Variants in FRMD5 observed in about 807,000 individuals in gnomAD.
FRMD5 encodes FERM domain containing 5.
In FRMD5, 20 loss-of-function variants were observed where a neutral mutation model predicts 69.0. That is an observed-to-expected ratio of 0.29 (90% CI 0.20 to 0.42). The LOEUF (loss-of-function observed/expected upper bound fraction) is 0.42. FRMD5 is among the 10% of genes least tolerant of loss of function. The pLI is 1.00. For synonymous variants in FRMD5, 271 were observed against 260.1 expected (o/e 1.04, Z -0.40); for missense variants, 595 against 708.6 (o/e 0.84, Z 1.82).
intron 1 of FRMD5, among the ~76,000 whole-genome samples, chr15:44,182,209 T>C (rs1469868433): frequency 1.3e-5 from 2 of 151,628 alleles, no homozygotes; most frequent in Non-Finnish European, 2.9e-5. Flanking sequence ...CAGGGTTTCA[T>C]CTTGTTGGCC....
chr15:43,886,859 C>A (rs2088675385), intron 10 of FRMD5, among the ~76,000 whole-genome samples: 1 of 152,178 alleles, frequency 6.6e-6, no homozygotes, highest in African/African-American at 2.4e-5. Context: ...CTTGACATAC[C>A]TGGGGATCTC....
At chr15:44,017,260 C>T (rs1044062162) in intron 1 of FRMD5, among the ~76,000 whole-genome samples, 10 of 151,760 alleles carry the variant, frequency 6.6e-5, no homozygotes, top group African/African-American at 1.7e-4. Flanking sequence ...ATGGTGTGAA[C>T]CCGGGAGGTG....
At chr15:44,110,952 G>A (rs780621870) in intron 1 of FRMD5, among the ~76,000 whole-genome samples, 12 of 151,936 alleles carry the variant, frequency 7.9e-5, no homozygotes, top group Non-Finnish European at 1.5e-4. Context: ...ATAAAGACTC[G>A]GATATCTCTC....
intron 1 of FRMD5, among the ~76,000 whole-genome samples, chr15:44,146,900 T>C (rs1404826724): frequency 2.0e-5 from 3 of 152,128 alleles, no homozygotes; most frequent in Non-Finnish European, 4.4e-5. Context: ...TATTAGACCT[T>C]TGTCAGATTA....
intron 1 of FRMD5, among the ~76,000 whole-genome samples, chr15:44,130,502 A>G (rs1005256130): frequency 1.3e-5 from 2 of 152,242 alleles, no homozygotes; most frequent in Non-Finnish European, 2.9e-5. Context: ...AATCTATTGC[A>G]GTCCAGGCAA....
chr15:44,121,077 T>C (rs1380772339), intron 1 of FRMD5, among the ~76,000 whole-genome samples: 1 of 151,146 alleles, frequency 6.6e-6, no homozygotes, highest in East Asian at 1.9e-4. Context: ...TATAACCCCC[T>C]GAAGGAAGGA....
chr15:44,130,729 T>C (rs144856004), intron 1 of FRMD5, among the ~76,000 whole-genome samples: 6 of 152,250 alleles, frequency 3.9e-5, no homozygotes, highest in African/African-American at 1.2e-4. Context: ...GGAGAAAGCA[T>C]AGCATCTCTT....
intron 1 of FRMD5, among the ~76,000 whole-genome samples, chr15:44,008,952 G>A (rs1049313830): frequency 1.1e-4 from 17 of 152,134 alleles, no homozygotes; most frequent in Non-Finnish European, 2.5e-4. Flanking sequence ...CATGAACCCG[G>A]GAGGCGGAGC....
intron 1 of FRMD5, among the ~76,000 whole-genome samples, chr15:44,071,066 G>A (rs1223118488): frequency 6.6e-6 from 1 of 152,122 alleles, no homozygotes; most frequent in Non-Finnish European, 1.5e-5. Flanking sequence ...CTCTGAGCCT[G>A]CTTCCTCAAC....
intron 1 of FRMD5, among the ~76,000 whole-genome samples, chr15:44,011,941 A>C (rs1890738830): frequency 6.6e-6 from 1 of 152,198 alleles, no homozygotes; most frequent in African/African-American, 2.4e-5. Flanking sequence ...CAGAAATCAG[A>C]GGTTTCAAGT....
rs371385270 is a variant in FRMD5, at chr15:44,101,106, G to A, written c.102+93847C>T. Among the ~76,000 whole-genome samples the A allele has an allele frequency of 4.7e-3, 699 of 150,030 alleles. 11 individuals are homozygous for A. Among genetic ancestry groups the A allele is most frequent in the African/African-American group, 0.016 (667 of 40,886 alleles). ...GGAGGTTGCAGTGAGCCGAGATCGC[G>A]CCACTGCACTCCAGCCTGGGCAACC... is the stretch of plus-strand genomic sequence containing the variant. On this transcript the variant is annotated intron_variant, in intron 1 of 13. Transcript: ENST00000417257.
chr15:44,167,501 C>T (rs1051746117), intron 1 of FRMD5, among the ~76,000 whole-genome samples: 16 of 152,164 alleles, frequency 1.1e-4, no homozygotes, highest in Admixed American at 9.2e-4. Context: ...CTATATTTGG[C>T]CTACTACCTT....
chr15:44,004,181 A>G (rs183498123), intron 1 of FRMD5, among the ~76,000 whole-genome samples: 114 of 152,364 alleles, frequency 7.5e-4, no homozygotes, highest in Admixed American at 1.3e-3. Context: ...CAAGAAATTT[A>G]GTAACACACC....
rs141056428 is a variant in FRMD5, at chr15:43,976,649, A to G, written c.103-52340T>C. On this transcript the variant is annotated intron_variant, in intron 1 of 13. Coordinates refer to ENST00000417257, the MANE Select transcript of FRMD5 (RefSeq NM_032892.5). ...TGAGACCCTGATTGCTTACAAGCTG[A>G]CGTTTTTATACTAAAGTTTCTTTTT... is the stretch of plus-strand genomic sequence containing the variant. Among the ~76,000 whole-genome samples, 272 of 152,166 alleles carry G rather than the reference A, an allele frequency of 1.8e-3. 2 individuals are homozygous for G. The highest frequency in any genetic ancestry group is 3.4e-3 in the Middle Eastern group (1 of 294).
chr15:43,964,242 A>C (rs1335881494), intron 1 of FRMD5, among the ~76,000 whole-genome samples: 1 of 152,134 alleles, frequency 6.6e-6, no homozygotes. Context: ...CTCAATCAAA[A>C]GTCCTTATAA....
intron 1 of FRMD5, among the ~76,000 whole-genome samples, chr15:44,114,471 C>T (rs1225003048): frequency 6.6e-6 from 1 of 152,206 alleles, no homozygotes; most frequent in Non-Finnish European, 1.5e-5. Context: ...CACAGGGACA[C>T]TATGAGGCTC....
upstream of FRMD5, among the ~76,000 whole-genome samples, chr15:44,196,732 TTCTC>T (rs71111844): frequency 9.7e-5 from 12 of 123,920 alleles, no homozygotes; most frequent in East Asian, 4.6e-4. Flanking sequence ...TTCTCTTTCA[TTCTC>T]TCTCTCTCTC....
intron 1 of FRMD5, among the ~76,000 whole-genome samples, chr15:44,122,479 T>G (rs999510788): frequency 2.0e-5 from 3 of 152,088 alleles, no homozygotes; most frequent in Non-Finnish European, 4.4e-5. Context: ...CTGTGTGGTC[T>G]GAGGCAGGAA....
chr15:44,050,900 T>C (rs554510372), intron 1 of FRMD5, among the ~76,000 whole-genome samples: 1 of 151,880 alleles, frequency 6.6e-6, no homozygotes, highest in East Asian at 2.0e-4. Flanking sequence ...TCAAGCGATC[T>C]GCCTGCCTCA....
Sources: allele counts gnomAD v4.1 joint callset (sites outside exome capture counted in the v4.1 genomes callset), GRCh38; gene constraint gnomAD v4.1.1; transcripts MANE v1.5; gene names NCBI Gene and HGNC (gene_info 2026-07-23, HGNC 2026-07-21).